The following SLIT3 variants were observed in gnomAD, a reference collection of about 807,000 sequenced individuals.
SLIT3 encodes the protein slit homolog 3 protein.
Under a neutral mutation model 184.0 loss-of-function variants are expected in SLIT3, and 68 were observed. That is an observed-to-expected ratio of 0.37 (90% confidence interval 0.30 to 0.45). SLIT3 has a LOEUF of 0.45. SLIT3 is among the 20% of genes least tolerant of loss of function. The probability of loss-of-function intolerance (pLI) is 1.00; values close to 1 mark genes in which losing one functional copy is unlikely to be tolerated. For missense variants in SLIT3, 1,707 were observed against 2,026.0 expected, an observed-to-expected ratio of 0.84 and a Z score of 3.02; for synonymous variants, 831 against 828.6, an observed-to-expected ratio of 1.00 and a Z score of -0.05.
intron 1 of SLIT3, among the ~76,000 whole-genome samples, chr5:169,296,164 T>C (rs1361683961): frequency 6.6e-6 from 1 of 152,224 alleles, no homozygotes; most frequent in South Asian, 2.1e-4. Context: ...TGCAGATCTA[T>C]AATGGCCCAT....
chr5:169,195,073 G>A (rs1483196881), intron 3 of SLIT3, among the ~76,000 whole-genome samples: 1 of 152,134 alleles, frequency 6.6e-6, no homozygotes, highest in African/African-American at 2.4e-5. Context: ...TACTTAGAGT[G>A]AATTGAGTAT....
At chr5:168,843,188 T>C (rs1345706634) in intron 6 of SLIT3, among the ~76,000 whole-genome samples, 1 of 152,116 alleles carries the variant, frequency 6.6e-6, no homozygotes, top group Non-Finnish European at 1.5e-5. Flanking sequence ...AGCATCAGCA[T>C]CCCCTTTTAT....
intron 1 of SLIT3, among the ~76,000 whole-genome samples, chr5:169,265,430 C>T (rs527750184): frequency 7.9e-5 from 12 of 152,268 alleles, no homozygotes; most frequent in South Asian, 2.1e-4. Flanking sequence ...AGGCAATTGC[C>T]CACTTTGCAT....
Position 168,773,101 on chromosome 5 carries a change from G to A in SLIT3, c.1296-157C>T, listed in dbSNP as rs1434596114. Reference sequence around the variant, plus strand: ...CTTAGGGGGTGCTACTTTCAGACAGGGCTCAAAGAGGGGGTCTGAGGCCTG... The same window carrying A: ...CTTAGGGGGTGCTACTTTCAGACAGAGCTCAAAGAGGGGGTCTGAGGCCTG... On this transcript the variant is annotated intron_variant, in intron 13 of 35. Coordinates refer to ENST00000519560, the MANE Select transcript of SLIT3 (RefSeq NM_003062.4). 4.6e-5 allele frequency among the ~76,000 whole-genome samples: 7 copies of A among 152,252 alleles called. No individual in the cohort carries two copies. In the East Asian group the frequency reaches 1.4e-3, roughly 29 times the overall value.
intron 6 of SLIT3, among the ~76,000 whole-genome samples, chr5:168,838,194 GA>G (rs1461924750): frequency 2.6e-5 from 4 of 152,196 alleles, no homozygotes; most frequent in African/African-American, 9.7e-5. Flanking sequence ...CAGGTGCTCA[GA>G]TATCAGGCAG....
At chr5:168,952,576 A>G (rs1762694069) in intron 4 of SLIT3, among the ~76,000 whole-genome samples, 1 of 149,438 alleles carries the variant, frequency 6.7e-6, no homozygotes, top group African/African-American at 2.5e-5. Flanking sequence ...GGATTTAAAA[A>G]AAAAAAAAAA....
chr5:169,127,366 G>C (rs1761120008), intron 4 of SLIT3, among the ~76,000 whole-genome samples: 1 of 152,204 alleles, frequency 6.6e-6, no homozygotes, highest in African/African-American at 2.4e-5. Context: ...GCAGCTGCTA[G>C]GCCCATGAGG....
chr5:168,897,148 G>C (rs1760692041), intron 4 of SLIT3, among the ~76,000 whole-genome samples: 1 of 148,894 alleles, frequency 6.7e-6, no homozygotes, highest in Non-Finnish European at 1.5e-5. Context: ...ATGTACCCAG[G>C]GCGTTAGGCA....
chr5:168,949,050 G>T (rs1351029257), intron 4 of SLIT3, among the ~76,000 whole-genome samples: 1 of 152,234 alleles, frequency 6.6e-6, no homozygotes, highest in Admixed American at 6.5e-5. Context: ...ACCTCTCCAG[G>T]ATCAGAACTT....
chr5:169,241,879 T>C (rs548295747), intron 3 of SLIT3, among the ~76,000 whole-genome samples: 2 of 152,248 alleles, frequency 1.3e-5, no homozygotes, highest in Middle Eastern at 3.4e-3. Context: ...GAGGACAGAC[T>C]TCCTTTCCCT....
chr5:168,909,890 A>G (rs1761198616), intron 4 of SLIT3, among the ~76,000 whole-genome samples: 1 of 152,216 alleles, frequency 6.6e-6, no homozygotes, highest in Non-Finnish European at 1.5e-5. Flanking sequence ...TTCAAGTCTG[A>G]GCCACATCAC....
chr5:168,783,155 G>A (rs899496572), intron 12 of SLIT3, among the ~76,000 whole-genome samples: 3 of 152,140 alleles, frequency 2.0e-5, no homozygotes, highest in African/African-American at 7.2e-5. Context: ...TCCTTTGAAC[G>A]CTAAGATTTT....
chr5:168,688,007 GC>G (rs993739629), intron 29 of SLIT3, among the ~76,000 whole-genome samples: 4 of 152,174 alleles, frequency 2.6e-5, no homozygotes, highest in Admixed American at 2.6e-4. Flanking sequence ...AGAGGAAGCT[GC>G]CCCAGCTAAA....
At chr5:169,057,823 A>C (rs1253243614) in intron 4 of SLIT3, among the ~76,000 whole-genome samples, 1 of 152,200 alleles carries the variant, frequency 6.6e-6, no homozygotes, top group Non-Finnish European at 1.5e-5. Flanking sequence ...CTTCTTGGTT[A>C]AGAAAATGAG....
In SLIT3 at chr5:168,702,334, G is replaced by T. The variant is rs186145957; in HGVS notation, c.2845-1655C>A. ...TTACACTATTTTTACAGACAGGAAA[G>T]ACAGACTTAGAAAGTGAGGTAATAT... On this transcript the variant is annotated intron_variant, in intron 26 of 35. Coordinates refer to ENST00000519560, the MANE Select transcript of SLIT3 (RefSeq NM_003062.4). Among the ~76,000 whole-genome samples, 345 of 152,280 alleles carry T rather than the reference G, an allele frequency of 2.3e-3. 1 individual carries two copies. Among genetic ancestry groups the T allele is most frequent in the African/African-American group, 7.4e-3 (309 of 41,552 alleles).
rs140077422 is a variant in SLIT3, at chr5:169,121,430, C to A, written c.413+72049G>T. ...GCAACCAGCCATCACCTGACTCTTCCAAAAGGTTCCCCTGAACCCAATATC... is the reference window on the plus strand; with the variant it reads ...GCAACCAGCCATCACCTGACTCTTCAAAAAGGTTCCCCTGAACCCAATATC... On this transcript the variant is annotated intron_variant, in intron 4 of 35. Transcript: ENST00000519560. Among the ~76,000 whole-genome samples, 596 of 152,256 alleles carry A rather than the reference C, an allele frequency of 3.9e-3. 5 individuals carry two copies. The highest frequency in any genetic ancestry group is 0.014 in the African/African-American group (572 of 41,536).
intron 4 of SLIT3, among the ~76,000 whole-genome samples, chr5:169,080,044 TA>T (rs763142074): frequency 6.6e-6 from 1 of 151,360 alleles, no homozygotes; most frequent in Non-Finnish European, 1.5e-5. Context: ...GGGGTTTGCA[TA>T]GGGGAGAGAG....
Position 168,977,742 on chromosome 5 carries a change from CT to C in SLIT3, c.414-94407del, listed in dbSNP as rs879716236. Among the ~76,000 whole-genome samples, 391 of 148,754 alleles carry C rather than the reference CT, an allele frequency of 2.6e-3. 1 individual carries two copies. The highest frequency in any genetic ancestry group is 4.4e-3 in the Admixed American group (65 of 14,860). The stretch of plus-strand genomic sequence containing the variant: ...CCACCCCATAGTCTTTCAATAAATG[CT>C]TTTTTTTTTAAGTTAACTAAATTTG... On this transcript the variant is annotated intron_variant, in intron 4 of 35. Coordinates refer to ENST00000519560, the MANE Select transcript of SLIT3 (RefSeq NM_003062.4).
intron 4 of SLIT3, among the ~76,000 whole-genome samples, chr5:169,166,275 T>A (rs17667664): frequency 0.18 from 28,039 of 152,012 alleles, 3,174 homozygotes; most frequent in East Asian, 0.36. Flanking sequence ...TGCTGACACA[T>A]GTTCTTAATG....
Sources: gnomAD v4.1 joint callset for allele counts (sites outside exome capture counted in the v4.1 genomes callset) on GRCh38, gnomAD v4.1.1 for gene constraint, MANE v1.5 for transcripts, NCBI Gene and HGNC (gene_info 2026-07-23, HGNC 2026-07-21) for gene names.